The following MBD5 variants were observed in gnomAD, a reference collection of about 807,000 sequenced individuals.
The protein encoded by MBD5 is methyl-CpG binding domain protein 5, also known as methyl-CpG-binding domain protein 5.
A neutral mutation model predicts 117.3 loss-of-function variants in MBD5; 13 were observed. The observed-to-expected ratio is 0.11, with a 90% CI of 0.07 to 0.18. The LOEUF is 0.18. MBD5 is among the 10% of genes least tolerant of loss of function. The pLI is 1.00. For synonymous variants in MBD5, 727 were observed against 766.4 expected (o/e 0.95, Z 0.85); for missense variants, 1,879 against 2,093.8 (o/e 0.90, Z 2.00).
intron 4 of MBD5, among the ~76,000 whole-genome samples, chr2:148,416,526 G>A (rs1462013888): frequency 1.3e-5 from 2 of 152,196 alleles, no homozygotes; most frequent in East Asian, 3.8e-4. Flanking sequence ...CAGTATCTGT[G>A]CATGTGTTTG....
At chr2:148,300,650 G>C (rs752057753) in intron 3 of MBD5, among the ~76,000 whole-genome samples, 2 of 152,120 alleles carry the variant, frequency 1.3e-5, no homozygotes, top group Non-Finnish European at 2.9e-5. Context: ...CCTACACTCT[G>C]AATCAGAGAC....
chr2:148,305,048 G>C (rs1701860031), intron 3 of MBD5, among the ~76,000 whole-genome samples: 1 of 150,026 alleles, frequency 6.7e-6, no homozygotes, highest in Non-Finnish European at 1.5e-5. Flanking sequence ...CTGGGCGACA[G>C]AGCGAGACTC....
At chr2:148,331,381 T>C (rs113878741) in intron 3 of MBD5, among the ~76,000 whole-genome samples, 41,973 of 151,840 alleles carry the variant, frequency 0.28, 6,002 homozygotes, top group Admixed American at 0.31. Flanking sequence ...ATTTTTTTTT[T>C]TTTGGTAATT....
chr2:148,161,858 T>G (rs1248187217), intron 1 of MBD5, among the ~76,000 whole-genome samples: 1 of 152,240 alleles, frequency 6.6e-6, no homozygotes, highest in Non-Finnish European at 1.5e-5. Flanking sequence ...ACTTAGCTAT[T>G]GTTAGTGTAT....
At chr2:148,486,014 T>C (rs1391952282) in intron 10 of MBD5, 64 bp downstream of exon 10, 2 of 1,528,738 alleles carry the variant, frequency 1.3e-6, no homozygotes, top group African/African-American at 2.7e-5. Flanking sequence ...AATACTTAAT[T>C]TGGGGGAAAG....
At position 148,444,561 on chromosome 2, in the gene MBD5, A is replaced by G. The variant is rs368992830; in HGVS notation, c.-556-13642A>G. 1.7e-4 allele frequency among the ~76,000 whole-genome samples: 25 copies of G among 148,996 alleles called. No homozygotes were observed. The East Asian group carries it at 3.9e-3, about 23-fold the overall frequency. Reference sequence around the variant, plus strand: ...ACGATATTAGAAATGTTATTAACAGACAGAAATATAAAATCTTCAATATTA... The same window carrying G: ...ACGATATTAGAAATGTTATTAACAGGCAGAAATATAAAATCTTCAATATTA... On this transcript the variant is annotated intron_variant, in intron 4 of 13. Coordinates refer to ENST00000642680, the MANE Select transcript of MBD5 (RefSeq NM_001378120.1).
chr2:148,456,816 T>A (rs1478151580), intron 4 of MBD5, among the ~76,000 whole-genome samples: 2 of 152,142 alleles, frequency 1.3e-5, no homozygotes, highest in Non-Finnish European at 2.9e-5. Context: ...CTGTTTTCAG[T>A]TGTGAGTAAA....
chr2:148,134,858 T>C (rs528424040), intron 1 of MBD5, among the ~76,000 whole-genome samples: 1 of 152,356 alleles, frequency 6.6e-6, no homozygotes, highest in East Asian at 1.9e-4. Context: ...TTTATCTTCA[T>C]GTGTCTTGAG....
chr2:148,151,204 T>G (rs1259750630), intron 1 of MBD5, among the ~76,000 whole-genome samples: 1 of 152,008 alleles, frequency 6.6e-6, no homozygotes, highest in Non-Finnish European at 1.5e-5. Context: ...GATAATCATG[T>G]GGTTTTTGTC....
In MBD5 at chr2:148,489,683, C is replaced by T. The variant is rs886054912; in HGVS notation, c.4051C>T (p.Pro1351Ser). The change falls in exon 11 of 14, where the codon CCA (proline) becomes TCA (serine). Residue 1351 changes from proline (P) to serine (S), a missense_variant. Around this residue, in one of 4 missense-constraint regions of MBD5, gnomAD observed 1,666 missense variants for 1,792.2 expected, o/e 0.93. Coordinates refer to ENST00000642680, the MANE Select transcript of MBD5 (RefSeq NM_001378120.1). ...VNSTTQISPI[P>S]ALSAMSAFTA... The stretch of plus-strand genomic sequence containing the variant: ...CAGTACAACTCAGATCAGCCCCATT[C>T]CAGCTCTGAGTGCCATGAGTGCCTT... The T allele has an allele frequency of 5.6e-6, 9 of 1,614,162 alleles. No homozygotes were observed. The highest frequency in any genetic ancestry group is 7.6e-6 in the Non-Finnish European group (9 of 1,180,038).
At chr2:148,087,164 A>T (rs1257745187) in intron 1 of MBD5, among the ~76,000 whole-genome samples, 1 of 152,170 alleles carries the variant, frequency 6.6e-6, no homozygotes, top group African/African-American at 2.4e-5. Flanking sequence ...GAAAGAAATC[A>T]CCAATCCTTT....
intron 2 of MBD5, among the ~76,000 whole-genome samples, chr2:148,206,340 T>C (rs1297786384): frequency 6.6e-6 from 1 of 152,168 alleles, no homozygotes; most frequent in Non-Finnish European, 1.5e-5. Flanking sequence ...AAAACATGTT[T>C]TGTTGAAACA....
At chr2:148,272,816 T>C (rs1245811441) in intron 3 of MBD5, among the ~76,000 whole-genome samples, 1 of 152,216 alleles carries the variant, frequency 6.6e-6, no homozygotes, top group African/African-American at 2.4e-5. Context: ...TTTTACTTTT[T>C]GTTGTCTGTG....
chr2:148,222,807 T>G (rs1699722933), intron 2 of MBD5, among the ~76,000 whole-genome samples: 1 of 152,120 alleles, frequency 6.6e-6, no homozygotes, highest in African/African-American at 2.4e-5. Flanking sequence ...TCCAGTACTA[T>G]GTCGAGTAAC....
chr2:148,423,960 C>T (rs781651687), intron 4 of MBD5, among the ~76,000 whole-genome samples: 2 of 151,844 alleles, frequency 1.3e-5, no homozygotes, highest in Non-Finnish European at 2.9e-5. Flanking sequence ...AGGCAGATCA[C>T]GAGGTCAGGA....
chr2:148,483,201 A>G lies in MBD5; in HGVS notation c.2610A>G (p.Ile870Met). ...CATCTGTTCTTCAAGATGGCGTCAT[A>G]GTCACCACTGCAGCTGGAAACCCAC... ...KTTSVLQDGV[I>M]VTTAAGNPLQ... Residue 870 changes from isoleucine (I) to methionine (M), a missense_variant, in exon 9 of 14, where the codon ATA becomes ATG. Physicochemically the swap from Ile to Met is conservative, Grantham distance 10. This residue lies in a region of MBD5 where 1,666 missense variants were observed against 1,792.2 expected (regional missense o/e 0.93). Coordinates refer to ENST00000642680, the MANE Select transcript of MBD5 (RefSeq NM_001378120.1). 1 of 1,613,892 alleles carries G rather than the reference A, an allele frequency of 6.2e-7. No homozygotes were observed. Among genetic ancestry groups the G allele is most frequent in the Non-Finnish European group, 8.5e-7 (1 of 1,179,978 alleles).
intron 4 of MBD5, among the ~76,000 whole-genome samples, chr2:148,350,357 A>G (rs1029335540): frequency 6.6e-6 from 1 of 152,044 alleles, no homozygotes; most frequent in Non-Finnish European, 1.5e-5. Flanking sequence ...GCAACAGTCA[A>G]TGTGTTCTGA....
At chr2:148,217,849 C>G (rs1699593278) in intron 2 of MBD5, among the ~76,000 whole-genome samples, 1 of 151,986 alleles carries the variant, frequency 6.6e-6, no homozygotes, top group African/African-American at 2.4e-5. Context: ...TAATCTCCAC[C>G]CTCACGGAGT....
intron 1 of MBD5, among the ~76,000 whole-genome samples, chr2:148,140,980 C>T (rs1052981977): frequency 2.6e-5 from 4 of 151,932 alleles, no homozygotes; most frequent in Non-Finnish European, 4.4e-5. Flanking sequence ...TCATGTTGCC[C>T]AGGCTGTTCT....
Sources: gnomAD v4.1 joint callset for allele counts (sites outside exome capture counted in the v4.1 genomes callset) on GRCh38, gnomAD v4.1.1 for gene constraint, gnomAD v4.1.1 regional missense constraint, MANE v1.5 for transcripts, NCBI Gene and HGNC (gene_info 2026-07-23, HGNC 2026-07-21) for gene names.